PSCA: variants seen among roughly 807,000 people sequenced by gnomAD.
The protein encoded by PSCA is prostate stem cell antigen.
A neutral mutation model predicts 7.9 loss-of-function variants in PSCA; 7 were observed. The observed-to-expected ratio is 0.89, with a 90% CI of 0.51 to 1.67. PSCA has a LOEUF of 1.67. Among genes scored for constraint, PSCA ranks in the 40% most tolerant of loss-of-function variants. The probability of loss-of-function intolerance (pLI) is 0.00; values close to 1 mark genes in which losing one functional copy is unlikely to be tolerated. For synonymous variants in PSCA, 61 were observed against 68.3 expected (o/e 0.89, Z 0.53); for missense variants, 151 against 147.9 (o/e 1.02, Z -0.11).
At chr8:142,680,346 A>AGG, upstream of PSCA, 2 of 623,974 alleles carry the variant, frequency 3.2e-6, no homozygotes, top group South Asian at 3.7e-5. Flanking sequence ...ACAAAGGGAG[A>AGG]GGGAGGTGCA....
chr8:142,671,109 C>T (rs1847317179), intron 1 of PSCA, among the ~76,000 whole-genome samples: 2 of 152,044 alleles, frequency 1.3e-5, no homozygotes, highest in South Asian at 2.1e-4. Flanking sequence ...GGTTTTTTTC[C>T]GAATTGTTTG....
upstream of PSCA, chr8:142,676,664 G>C (rs1847404621): frequency 2.6e-5 from 4 of 152,276 alleles, no homozygotes; most frequent in South Asian, 8.3e-4. Context: ...ATCAGAAAGA[G>C]AGGAAGAGAA....
chr8:142,672,164 C>T (rs1237541707), intron 1 of PSCA, among the ~76,000 whole-genome samples: 1 of 152,176 alleles, frequency 6.6e-6, no homozygotes, highest in Admixed American at 6.5e-5. Flanking sequence ...CGGCAGCTCA[C>T]CTTGCTATTC....
At chr8:142,674,688 C>T (rs936573027) in intron 1 of PSCA, among the ~76,000 whole-genome samples, 1 of 152,194 alleles carries the variant, frequency 6.6e-6, no homozygotes, top group African/African-American at 2.4e-5. Context: ...TTCCCCCAGC[C>T]ATGCCCCAAG....
chr8:142,671,628 C>A (rs1283368836), intron 1 of PSCA, among the ~76,000 whole-genome samples: 1 of 152,132 alleles, frequency 6.6e-6, no homozygotes, highest in African/African-American at 2.4e-5. Context: ...TTCTCCTCAC[C>A]GCAGCTTCAA....
chr8:142,679,728 G>C (rs1447673819), upstream of PSCA, among the ~76,000 whole-genome samples: 2 of 152,220 alleles, frequency 1.3e-5, no homozygotes, highest in Non-Finnish European at 2.9e-5. Flanking sequence ...GGTTATACGG[G>C]GTTGTGGAGA....
chr8:142,681,028 T>G, intron 1 of PSCA: 1 of 472,744 alleles, frequency 2.1e-6, no homozygotes, highest in South Asian at 2.5e-5. Context: ...CCCAGGGAGC[T>G]GCTCTGCTTG....
chr8:142,671,012 T>C (rs1355261364), intron 1 of PSCA, among the ~76,000 whole-genome samples: 4 of 152,234 alleles, frequency 2.6e-5, no homozygotes, highest in African/African-American at 4.8e-5. Context: ...CCTAATACAA[T>C]GTAAGCGCTA....
chr8:142,680,572 T>C lies in PSCA; in HGVS notation c.25+9T>C. The C allele has an allele frequency of 6.4e-7, 1 of 1,553,980 alleles. No individual in the cohort carries two copies. The highest frequency in any genetic ancestry group is 8.7e-7 in the Non-Finnish European group (1 of 1,148,320). ...CTTGGCCCTGCAGCCAGGTGAGGCC[T>C]TGGCTGGCCCCCAGCAGGGAAGGGA... is the stretch of plus-strand genomic sequence containing the variant. On this transcript the variant is annotated intron_variant, in intron 1 of 2. Coordinates refer to ENST00000301258, the MANE Select transcript of PSCA (RefSeq NM_005672.5).
At position 142,681,312 on chromosome 8, in the gene PSCA, C is replaced by T. The variant is rs1195414866; in HGVS notation, c.26-15C>T. ...ATGGGGCAGCCTCTGAGGCCCCTCC[C>T]ACTCCACCCCACAGGCACTGCCCTG... On this transcript the variant is annotated splice_polypyrimidine_tract_variant and intron_variant, in intron 1 of 2. Transcript: ENST00000301258. 3 of 1,546,334 alleles carry T rather than the reference C, an allele frequency of 1.9e-6. No homozygotes were observed. The highest frequency in any genetic ancestry group is 2.6e-6 in the Non-Finnish European group (3 of 1,142,546).
At chr8:142,679,264 C>G (rs1256107359), upstream of PSCA, among the ~76,000 whole-genome samples, 1 of 152,230 alleles carries the variant, frequency 6.6e-6, no homozygotes, top group Non-Finnish European at 1.5e-5. Context: ...TGCACTTCCC[C>G]GACTCGTTTG....
chr8:142,677,637 A>T (rs1315243993), upstream of PSCA, among the ~76,000 whole-genome samples: 2 of 152,228 alleles, frequency 1.3e-5, no homozygotes, highest in East Asian at 3.9e-4. Flanking sequence ...AGGATGGGAC[A>T]GGGGCTGTCA....
rs587651896 is a variant in PSCA, at chr8:142,681,421, G to A, written c.120G>A (p.Trp40Ter). 68 of 1,590,090 alleles carry A rather than the reference G, an allele frequency of 4.3e-5. No individual in the cohort carries two copies. In the Admixed American group the frequency reaches 1.0e-3, roughly 24 times the overall value. ...ENCTQLGEQC[W>*]TARIRAVGLL... ...GCACCCAGCTGGGGGAGCAGTGCTG[G>A]ACCGCGCGCATCCGTGAGTGGGGGG... The change falls in exon 2 of 3, where the codon TGG becomes TGA. Residue 40 changes from tryptophan to a stop codon, truncating the protein, a stop_gained. Transcript: ENST00000301258. LOFTEE classifies it low-confidence loss of function (END_TRUNC).
At position 142,682,581 on chromosome 8, in the gene PSCA, CAG is replaced by C. The variant is rs1435464172; in HGVS notation, c.*450_*451del. 22 of 382,582 alleles carry C rather than the reference CAG, an allele frequency of 5.8e-5. No homozygotes were observed. The highest frequency in any genetic ancestry group is 1.9e-4 in the Admixed American group (6 of 31,918). The allele number at this position is 382,582 out of a possible 1,614,324, so 23.7% of individuals were successfully genotyped here. A position where few individuals can be genotyped will look rare whatever the true frequency, so the allele number is the denominator to read the frequency against. ...AAGTGGACTGAGTAGAACTGGAGGA[CAG>C]GAGTCGACGTGAGTTCCTGGGAGTC... On this transcript the variant is annotated 3_prime_UTR_variant, in exon 3 of 3. Transcript: ENST00000301258.
rs587641297 is a variant in PSCA, at chr8:142,681,576, C to G, written c.133+142C>G. 4.9e-5 allele frequency: 35 copies of G among 712,400 alleles called. No homozygotes were observed. In the African/African-American group the frequency reaches 5.5e-4, roughly 11 times the overall value. The allele number at this position is 712,400 out of a possible 1,614,324, so 44.1% of individuals were successfully genotyped here. A position where few individuals can be genotyped will look rare whatever the true frequency, so the allele number is the denominator to read the frequency against. On this transcript the variant is annotated intron_variant, in intron 2 of 2. Coordinates refer to ENST00000301258, the MANE Select transcript of PSCA (RefSeq NM_005672.5). ...CGCACCTGCACCCCCAACAATCACC[C>G]AGCATCTGTCCCTCCAGCCATCCTC... is the stretch of plus-strand genomic sequence containing the variant.
chr8:142,674,122 A>T (rs3115997), intron 1 of PSCA, among the ~76,000 whole-genome samples: 1 of 141,788 alleles, frequency 7.1e-6, no homozygotes. Flanking sequence ...GTCTAACCTC[A>T]GCAGAGCTCA....
At chr8:142,672,687 A>G (rs1378849474) in intron 1 of PSCA, among the ~76,000 whole-genome samples, 1 of 152,176 alleles carries the variant, frequency 6.6e-6, no homozygotes, top group Non-Finnish European at 1.5e-5. Flanking sequence ...ACTCATGTAG[A>G]TGGGTTAAGG....
chr8:142,682,160 A>C lies in PSCA; in HGVS notation c.*28A>C. 2 of 1,580,234 alleles carry C rather than the reference A, an allele frequency of 1.3e-6. No individual in the cohort carries two copies. The highest frequency in any genetic ancestry group is 1.7e-6 in the Non-Finnish European group (2 of 1,169,778). On this transcript the variant is annotated 3_prime_UTR_variant, in exon 3 of 3. Transcript: ENST00000301258. ...TCTGGGGGGCCCCGCTGCAGCCCAC[A>C]CTGGGTGTGGTGCCCCAGGCCTCTG...
In PSCA at chr8:142,682,245, A is replaced by C; in HGVS notation, c.*113A>C. On this transcript the variant is annotated 3_prime_UTR_variant, in exon 3 of 3. Transcript: ENST00000301258. ...TGTCCTGGTTCCTGAGGCACATCCT[A>C]ACGCAAGTCTGACCATGTATGTCTG... The C allele has an allele frequency of 7.7e-7, 1 of 1,302,020 alleles. No homozygotes were observed. The highest frequency in any genetic ancestry group is 2.5e-5 in the East Asian group (1 of 39,926). 80.7% of individuals were successfully genotyped at this position (1,302,020 alleles called of 1,614,324 possible).
Sources: gnomAD v4.1 joint callset for allele counts (sites outside exome capture counted in the v4.1 genomes callset) on GRCh38, gnomAD v4.1.1 for gene constraint, MANE v1.5 for transcripts, NCBI Gene and HGNC (gene_info 2026-07-23, HGNC 2026-07-21) for gene names.